UBE2F: variants seen among roughly 807,000 people sequenced by gnomAD.
UBE2F encodes ubiquitin conjugating enzyme E2 F (putative), also known as NEDD8-conjugating enzyme UBE2F.
In UBE2F, 5 loss-of-function variants were observed where a neutral mutation model predicts 29.6. The ratio of observed to expected loss-of-function variants is 0.17; its 90% CI spans 0.09 to 0.36. The LOEUF (loss-of-function observed/expected upper bound fraction) is 0.36, where lower values mean the gene tolerates loss of function less well. Among genes scored for constraint, UBE2F ranks in the 10% least tolerant of loss-of-function variants. UBE2F has a pLI of 1.00. For missense variants in UBE2F, 141 were observed against 228.5 expected (o/e 0.62, Z 2.47); for synonymous variants, 66 against 81.8 (o/e 0.81, Z 1.04).
At chr2:237,988,736 C>T (rs1330016922) in intron 3 of UBE2F, among the ~76,000 whole-genome samples, 1 of 152,128 alleles carries the variant, frequency 6.6e-6, no homozygotes, top group Non-Finnish European at 1.5e-5. Context: ...TGTCCCGCAT[C>T]CACTTTGAGT....
At chr2:238,029,176 T>C (rs2064508253) in intron 6 of UBE2F, 1 of 152,036 alleles carries the variant, frequency 6.6e-6, no homozygotes, top group Admixed American at 6.6e-5. Flanking sequence ...GACCTCTGAA[T>C]CCTGGTGTGC....
intron 4 of UBE2F, among the ~76,000 whole-genome samples, chr2:237,996,360 G>C (rs1307289331): frequency 6.6e-6 from 1 of 152,164 alleles, no homozygotes; most frequent in African/African-American, 2.4e-5. Context: ...CCAAGCATGG[G>C]CTTTGTGGTC....
At chr2:238,030,303 C>T (rs971253241) in intron 6 of UBE2F, among the ~76,000 whole-genome samples, 2 of 152,172 alleles carry the variant, frequency 1.3e-5, no homozygotes, top group African/African-American at 4.8e-5. Context: ...TGCTCTTCCT[C>T]AGCCTAAAAC....
chr2:238,026,643 C>A (rs545264752), intron 6 of UBE2F, among the ~76,000 whole-genome samples: 76 of 152,246 alleles, frequency 5.0e-4, no homozygotes, highest in Middle Eastern at 6.8e-3. Context: ...CTGTGTTAGC[C>A]AGGATGGTCT....
At chr2:238,005,307 C>T (rs1332165829) in intron 4 of UBE2F, among the ~76,000 whole-genome samples, 1 of 152,076 alleles carries the variant, frequency 6.6e-6, no homozygotes, top group African/African-American at 2.4e-5. Flanking sequence ...GTTATCCTTC[C>T]GCCTCAGCCT....
intron 1 of UBE2F, among the ~76,000 whole-genome samples, chr2:237,969,378 C>G (rs2063126738): frequency 1.3e-5 from 2 of 152,120 alleles, no homozygotes; most frequent in African/African-American, 4.8e-5. Flanking sequence ...CTTCCCTGAG[C>G]CTCCTTCAGG....
rs2063098032 is a variant in UBE2F at position 237,968,120 on chromosome 2, CAA to C, written c.-17+990_-17+991del. Among the ~76,000 whole-genome samples, 3 of 152,032 alleles carry C rather than the reference CAA, an allele frequency of 2.0e-5. No individual in the cohort carries two copies. In the South Asian group the frequency reaches 6.2e-4, roughly 32 times the overall value. ...AAATGAACAGGGTGTTGTGAAGGAA[CAA>C]AGAGGAAACTGGCCTGCCTGGTGCA... On this transcript the variant is annotated intron_variant, in intron 1 of 9. Transcript: ENST00000272930.
intron 4 of UBE2F, chr2:238,003,434 C>G: frequency 2.1e-6 from 1 of 470,572 alleles, no homozygotes. Context: ...TCATCTGATA[C>G]AGAGACACCT....
chr2:238,041,068 C>T (rs576609955), intron 9 of UBE2F, among the ~76,000 whole-genome samples: 3 of 152,262 alleles, frequency 2.0e-5, no homozygotes, highest in East Asian at 1.9e-4. Context: ...CTTCCACGTG[C>T]TCCCCCCTCA....
At chr2:238,008,374 C>T (rs1179742858) in intron 4 of UBE2F, among the ~76,000 whole-genome samples, 1 of 152,112 alleles carries the variant, frequency 6.6e-6, no homozygotes, top group African/African-American at 2.4e-5. Flanking sequence ...TATAGGGCTG[C>T]CTAGGTTATT....
At chr2:238,016,460 C>T (rs1327974670) in intron 4 of UBE2F, 106 bp from the exon 5 acceptor site, 8 of 954,674 alleles carry the variant, frequency 8.4e-6, no homozygotes, top group East Asian at 2.5e-5. Context: ...TGTTTTTAAA[C>T]TCCTGATTCT....
intron 2 of UBE2F, among the ~76,000 whole-genome samples, chr2:237,984,541 C>T (rs527827069): frequency 4.9e-4 from 75 of 152,250 alleles, no homozygotes; most frequent in African/African-American, 1.6e-3. Flanking sequence ...CTAAATTTTA[C>T]TTACTTGCCA....
intron 7 of UBE2F, among the ~76,000 whole-genome samples, chr2:238,031,695 A>G (rs553693640): frequency 6.6e-6 from 1 of 152,356 alleles, no homozygotes; most frequent in East Asian, 1.9e-4. Flanking sequence ...TTTCAGTTTT[A>G]TTTAATGAAA....
chr2:238,019,179 A>T (rs1034284064), intron 5 of UBE2F, among the ~76,000 whole-genome samples: 4 of 151,972 alleles, frequency 2.6e-5, no homozygotes, highest in African/African-American at 9.7e-5. Context: ...TGTAACGATG[A>T]TCTTACATTT....
chr2:237,987,200 A>G (rs906708552), intron 2 of UBE2F, among the ~76,000 whole-genome samples: 4 of 152,040 alleles, frequency 2.6e-5, no homozygotes, highest in Non-Finnish European at 4.4e-5. Context: ...CAGTATACAG[A>G]TCTTTTATCT....
At chr2:237,973,328 C>A (rs183427333) in intron 2 of UBE2F, 103 bp downstream of exon 2, 1 of 1,306,514 alleles carries the variant, frequency 7.7e-7, no homozygotes, top group Non-Finnish European at 1.1e-6. Flanking sequence ...AATAGAAATA[C>A]CTGTTTAAAA....
chr2:237,979,950 G>A (rs747272390), intron 2 of UBE2F, among the ~76,000 whole-genome samples: 6 of 152,234 alleles, frequency 3.9e-5, no homozygotes, highest in African/African-American at 7.2e-5. Flanking sequence ...GTAGTGTGAG[G>A]CCTCAGCCCT....
In UBE2F at chr2:237,971,472, G is replaced by A. The variant is rs568709597; in HGVS notation, c.-16-1620G>A. ...CAAGTAGCTGGGACTACAGGTGTGG[G>A]CCACCACGCCCGGCTAATTTTTTTG... On this transcript the variant is annotated intron_variant, in intron 1 of 9. Coordinates refer to ENST00000272930, the MANE Select transcript of UBE2F (RefSeq NM_080678.3). Among the ~76,000 whole-genome samples, 8 of 152,280 alleles carry A rather than the reference G, an allele frequency of 5.3e-5. No individual in the cohort carries two copies. The East Asian group carries it at 1.5e-3, about 29-fold the overall frequency.
intron 2 of UBE2F, among the ~76,000 whole-genome samples, chr2:237,978,011 G>A (rs1283025216): frequency 1.3e-5 from 2 of 152,112 alleles, no homozygotes; most frequent in African/African-American, 4.8e-5. Context: ...CAGGCAGAGG[G>A]AGACTCAAGC....
Sources: gnomAD v4.1 joint callset for allele counts (sites outside exome capture counted in the v4.1 genomes callset) on GRCh38, gnomAD v4.1.1 for gene constraint, MANE v1.5 for transcripts, NCBI Gene and HGNC (gene_info 2026-07-23, HGNC 2026-07-21) for gene names.